The following KCNN3 variants were observed in gnomAD, a reference collection of about 807,000 sequenced individuals.
KCNN3 encodes potassium calcium-activated channel subfamily N member 3.
Under a neutral mutation model 62.9 loss-of-function variants are expected in KCNN3, and 16 were observed. The observed-to-expected ratio is 0.25, with a 90% CI of 0.17 to 0.39. The LOEUF is 0.39. KCNN3 is among the 10% of genes least tolerant of loss of function. The pLI, the probability that KCNN3 is intolerant of heterozygous loss-of-function variation, is 1.00. For synonymous variants in KCNN3, 370 were observed against 389.2 expected, an observed-to-expected ratio of 0.95 and a Z score of 0.58; for missense variants, 599 against 949.4, an observed-to-expected ratio of 0.63 and a Z score of 4.85.
intron 3 of KCNN3, among the ~76,000 whole-genome samples, chr1:154,737,795 G>T (rs1462018188): frequency 6.6e-6 from 1 of 152,222 alleles, no homozygotes; most frequent in African/African-American, 2.4e-5. Flanking sequence ...TGTGGTGTGT[G>T]CCTGTATCCC....
chr1:154,730,900 G>A (rs769404110), intron 4 of KCNN3, among the ~76,000 whole-genome samples: 8 of 152,096 alleles, frequency 5.3e-5, no homozygotes, highest in Non-Finnish European at 8.8e-5. Flanking sequence ...AACAGCCTCC[G>A]GACCCCAAAG....
intron 1 of KCNN3, among the ~76,000 whole-genome samples, chr1:154,856,810 G>A (rs1276137712): frequency 6.6e-6 from 1 of 152,152 alleles, no homozygotes; most frequent in Admixed American, 6.5e-5. Context: ...TATCTGCTTG[G>A]CACTAAAGCC....
intron 2 of KCNN3, among the ~76,000 whole-genome samples, chr1:154,802,510 G>C (rs952372898): frequency 1.2e-4 from 19 of 152,318 alleles, no homozygotes; most frequent in South Asian, 8.3e-4. Context: ...CCCTGCTGTA[G>C]AGCCTGATGT....
At chr1:154,722,856 T>C (rs1700385689) in intron 5 of KCNN3, among the ~76,000 whole-genome samples, 1 of 152,056 alleles carries the variant, frequency 6.6e-6, no homozygotes, top group South Asian at 2.1e-4. Context: ...CTCAGCCTCC[T>C]GAGTAGCTGG....
At chr1:154,824,751 A>G (rs1020279473) in intron 1 of KCNN3, among the ~76,000 whole-genome samples, 1 of 152,218 alleles carries the variant, frequency 6.6e-6, no homozygotes, top group South Asian at 2.1e-4. Flanking sequence ...CATCATTTTA[A>G]AGGAAGCAGT....
At chr1:154,748,253 T>C (rs986673675) in intron 3 of KCNN3, among the ~76,000 whole-genome samples, 1 of 152,080 alleles carries the variant, frequency 6.6e-6, no homozygotes, top group African/African-American at 2.4e-5. Flanking sequence ...GTGGTTTTCA[T>C]TGAGCTCCAC....
At chr1:154,820,629 C>T (rs1477258183) in intron 2 of KCNN3, among the ~76,000 whole-genome samples, 1 of 152,206 alleles carries the variant, frequency 6.6e-6, no homozygotes, top group Non-Finnish European at 1.5e-5. Flanking sequence ...GTCCTCCCTG[C>T]CTGTACTCCT....
chr1:154,705,951 G>A lies in KCNN3; in HGVS notation c.*2025C>T, dbSNP rs1300707446. 2.0e-5 allele frequency: 3 copies of A among 152,160 alleles called. No homozygotes were observed. The South Asian group carries it at 6.2e-4, about 32-fold the overall frequency. The allele number at this position is 152,160 out of a possible 1,614,324, so 9.4% of individuals were successfully genotyped here. A position where few individuals can be genotyped will look rare whatever the true frequency, so the allele number is the denominator to read the frequency against. On this transcript the variant is annotated 3_prime_UTR_variant, in exon 8 of 8. Transcript: ENST00000271915. ...TCAGCTGAACTGTCACTGAAAACAG[G>A]AGCACCATTCTTGGGACATGAAACA...
chr1:154,815,741 T>G (rs1468032665), intron 2 of KCNN3, among the ~76,000 whole-genome samples: 1 of 152,164 alleles, frequency 6.6e-6, no homozygotes, highest in East Asian at 1.9e-4. Flanking sequence ...TGTCTCTCAG[T>G]GCCAGGACAC....
At chr1:154,798,040 T>C (rs1004487164) in intron 2 of KCNN3, among the ~76,000 whole-genome samples, 1 of 152,144 alleles carries the variant, frequency 6.6e-6, no homozygotes, top group African/African-American at 2.4e-5. Flanking sequence ...GGAGCCTCCA[T>C]TTGTAACTTT....
chr1:154,864,186 C>T (rs1259077994), intron 1 of KCNN3, among the ~76,000 whole-genome samples: 1 of 152,216 alleles, frequency 6.6e-6, no homozygotes, highest in Non-Finnish European at 1.5e-5. Flanking sequence ...CAGGTCACCC[C>T]ACAGGGAGGG....
At chr1:154,826,068 CA>C (rs1161031775) in intron 1 of KCNN3, among the ~76,000 whole-genome samples, 1,105 of 44,978 alleles carry the variant, frequency 0.025, 99 homozygotes, top group African/African-American at 0.11. Flanking sequence ...AAAACAAAAA[CA>C]AAAACAAAAA....
intron 3 of KCNN3, among the ~76,000 whole-genome samples, chr1:154,747,160 C>T (rs573872255): frequency 3.0e-4 from 45 of 152,320 alleles, no homozygotes; most frequent in Middle Eastern, 6.8e-3. Context: ...TGAGTCAGTC[C>T]GGTGGAGGTT....
Position 154,869,222 on chromosome 1 carries a change from G to T in KCNN3, c.743C>A (p.Thr248Asn). Reference sequence around the variant, plus strand: ...GGGGAAGGTGGTGCTGCTGGCGGTGGTGCCGGCATGCTGGTGGTTGTGGGT... The same window carrying T: ...GGGGAAGGTGGTGCTGCTGGCGGTGTTGCCGGCATGCTGGTGGTTGTGGGT... ...NATHNHQHAGTTASSTTFPKA... is the reference protein window; with the variant it reads ...NATHNHQHAGNTASSTTFPKA... Residue 248 changes from threonine to asparagine, a missense_variant, in exon 1 of 8, where the codon ACC becomes AAC. Thr to Asn is a moderately conservative substitution (Grantham distance 65). Around this residue, in one of 7 missense-constraint regions of KCNN3, gnomAD observed 80 missense variants for 85.4 expected, o/e 0.94. Coordinates refer to ENST00000271915, the MANE Select transcript of KCNN3 (RefSeq NM_002249.6). This position sits in a 1 kb window ranked among gnomAD's most constrained non-coding sequence, Gnocchi z 6.1. 6.2e-7 allele frequency: 1 copy of T among 1,614,126 alleles called. No homozygotes were observed. Among genetic ancestry groups the T allele is most frequent in the East Asian group, 2.2e-5 (1 of 44,866 alleles).
chr1:154,755,626 GGAAA>G (rs1241382176), intron 3 of KCNN3, among the ~76,000 whole-genome samples: 2 of 130,964 alleles, frequency 1.5e-5, no homozygotes, highest in African/African-American at 5.6e-5. Flanking sequence ...AGGGAAGGAA[GGAAA>G]GAAAGAAAAG....
At chr1:154,769,260 CA>C (rs1270931608) in intron 3 of KCNN3, among the ~76,000 whole-genome samples, 3 of 152,136 alleles carry the variant, frequency 2.0e-5, no homozygotes, top group African/African-American at 7.2e-5. Flanking sequence ...ACAGAACTAG[CA>C]CAGGGGTGCA....
intron 1 of KCNN3, among the ~76,000 whole-genome samples, chr1:154,823,670 G>T (rs2101895835): frequency 6.6e-6 from 1 of 152,318 alleles, no homozygotes; most frequent in Non-Finnish European, 1.5e-5. Flanking sequence ...GACATCTTAA[G>T]ACAACAAGGT....
At chr1:154,764,203 T>A (rs985599674) in intron 3 of KCNN3, among the ~76,000 whole-genome samples, 1 of 152,236 alleles carries the variant, frequency 6.6e-6, no homozygotes, top group Non-Finnish European at 1.5e-5. Flanking sequence ...GTTATAAATT[T>A]TAAGTTTGTT....
At chr1:154,858,889 T>C (rs1269777854) in intron 1 of KCNN3, among the ~76,000 whole-genome samples, 1 of 152,136 alleles carries the variant, frequency 6.6e-6, no homozygotes, top group Non-Finnish European at 1.5e-5. Context: ...TGGGGTCCTA[T>C]AAGGAGGAGG....
Sources: gnomAD v4.1 joint callset for allele counts (sites outside exome capture counted in the v4.1 genomes callset) on GRCh38, gnomAD v4.1.1 for gene constraint, gnomAD v4.1.1 regional missense constraint, Gnocchi (gnomAD v3.1) non-coding constraint, MANE v1.5 for transcripts, NCBI Gene and HGNC (gene_info 2026-07-23, HGNC 2026-07-21) for gene names.